The following RAD54B variants were observed in gnomAD, a reference collection of about 807,000 sequenced individuals.
RAD54B encodes DNA repair and recombination protein RAD54B.
RAD54B carries 78 observed loss-of-function variants against 95.8 expected under a neutral mutation model. The observed-to-expected ratio is 0.81, with a 90% confidence interval of 0.68 to 0.98. RAD54B has a LOEUF of 0.98. RAD54B is among the 50% of genes least tolerant of loss of function. The probability of loss-of-function intolerance (pLI) is 0.00; values close to 1 mark genes in which losing one functional copy is unlikely to be tolerated. For missense variants in RAD54B, 957 were observed against 1,056.6 expected (o/e 0.91, Z 1.31); for synonymous variants, 328 against 354.9 (o/e 0.92, Z 0.85).
intron 5 of RAD54B, among the ~76,000 whole-genome samples, chr8:94,406,080 A>G (rs1180707286): frequency 6.6e-6 from 1 of 151,990 alleles, no homozygotes; most frequent in African/African-American, 2.4e-5. Flanking sequence ...TCACATACAC[A>G]CAACACATAA....
intron 3 of RAD54B, chr8:94,436,663 C>T (rs1206489261): frequency 7.7e-6 from 12 of 1,550,382 alleles, no homozygotes; most frequent in Admixed American, 2.0e-5. Context: ...ATAAAGGGTG[C>T]GTAGGCCCTG....
rs1813042580 is a variant in RAD54B at position 94,467,071 on chromosome 8, G to A, written c.135+334C>T. Among the ~76,000 whole-genome samples, 5 of 151,994 alleles carry A rather than the reference G, an allele frequency of 3.3e-5. No individual in the cohort carries two copies. In the South Asian group the frequency reaches 1.0e-3, roughly 32 times the overall value. ...AGCCTCCCGAGTAGCTGATACTCCAGGTGCACACCACCACACCCCACTAAA... is the reference window on the plus strand; with the variant it reads ...AGCCTCCCGAGTAGCTGATACTCCAAGTGCACACCACCACACCCCACTAAA... On this transcript the variant is annotated intron_variant, in intron 2 of 14. Coordinates refer to ENST00000336148, the MANE Select transcript of RAD54B (RefSeq NM_012415.3).
intron 8 of RAD54B, among the ~76,000 whole-genome samples, chr8:94,394,729 CACAA>C (rs1305329081): frequency 3.3e-5 from 5 of 152,048 alleles, no homozygotes; most frequent in Admixed American, 6.5e-5. Context: ...TATAAATCAG[CACAA>C]ACAATGTAAT....
At chr8:94,384,259 A>G (rs1370173855) in intron 11 of RAD54B, among the ~76,000 whole-genome samples, 2 of 152,234 alleles carry the variant, frequency 1.3e-5, no homozygotes, top group Admixed American at 6.5e-5. Flanking sequence ...GTGTTCAGCA[A>G]TAGATGAATG....
chr8:94,391,711 C>A lies in RAD54B; in HGVS notation c.1707G>T (p.Arg569Ser). The A allele has an allele frequency of 6.2e-7, 1 of 1,614,000 alleles. No homozygotes were observed. Among genetic ancestry groups the A allele is most frequent in the Non-Finnish European group, 8.5e-7 (1 of 1,180,010 alleles). The part of the protein sequence containing the change: ...YRKLLNSQVV[R>S]FCLQGLLENS... ...TTTCCAACAACCCTTGAAGGCAGAA[C>A]CTGACAACCTGAGAATTTAACAGCT... Residue 569 changes from arginine to serine, a missense_variant, in exon 10 of 15, where the codon AGG becomes AGT. Arg to Ser is a moderately radical substitution (Grantham distance 110). Transcript: ENST00000336148.
chr8:94,436,618 A>G, intron 3 of RAD54B: 29 of 1,550,494 alleles, frequency 1.9e-5, no homozygotes, highest in Non-Finnish European at 2.5e-5. Flanking sequence ...TTTTTGCTGC[A>G]ATAGCTCCTG....
At chr8:94,442,245 G>A (rs1344882662) in intron 3 of RAD54B, among the ~76,000 whole-genome samples, 2 of 152,126 alleles carry the variant, frequency 1.3e-5, no homozygotes, top group Non-Finnish European at 2.9e-5. Context: ...GGAAGGAGAG[G>A]TGGGGATTAA....
chr8:94,424,230 A>G (rs1811889080), intron 3 of RAD54B, among the ~76,000 whole-genome samples: 1 of 152,242 alleles, frequency 6.6e-6, no homozygotes, highest in Non-Finnish European at 1.5e-5. Flanking sequence ...GCTGGGTCAG[A>G]GTCTTAAGTC....
intron 3 of RAD54B, among the ~76,000 whole-genome samples, chr8:94,457,608 T>C (rs1017678490): frequency 6.6e-6 from 1 of 152,184 alleles, no homozygotes; most frequent in Non-Finnish European, 1.5e-5. Context: ...GCCCAACAGA[T>C]GGGGCCGGCT....
intron 14 of RAD54B, among the ~76,000 whole-genome samples, chr8:94,375,075 G>C (rs1810534952): frequency 6.6e-6 from 1 of 152,092 alleles, no homozygotes; most frequent in African/African-American, 2.4e-5. Context: ...TGTATTTCTG[G>C]GAGTGTGTAA....
At chr8:94,416,476 C>G (rs1040168702) in intron 3 of RAD54B, among the ~76,000 whole-genome samples, 4 of 151,014 alleles carry the variant, frequency 2.6e-5, no homozygotes, top group Non-Finnish European at 5.9e-5. Context: ...TGTAACTAAC[C>G]TGCACATTGT....
intron 6 of RAD54B, 41 bp downstream of exon 6, chr8:94,404,036 C>A (rs769386547): frequency 6.8e-7 from 1 of 1,467,840 alleles, no homozygotes; most frequent in Non-Finnish European, 9.2e-7. Context: ...CAGGTTAAAT[C>A]AAAATTCAGA....
At chr8:94,391,292 A>T (rs142935484) in intron 10 of RAD54B, among the ~76,000 whole-genome samples, 1 of 151,938 alleles carries the variant, frequency 6.6e-6, no homozygotes, top group East Asian at 1.9e-4. Context: ...CAAAACTGAC[A>T]GACTATATTA....
chr8:94,458,277 G>A lies in RAD54B; in HGVS notation c.295C>T (p.Pro99Ser), dbSNP rs1407702193. The A allele has an allele frequency of 5.6e-6, 9 of 1,602,970 alleles. No homozygotes were observed. The highest frequency in any genetic ancestry group is 4.2e-6 in the Non-Finnish European group (5 of 1,176,512). ...EAPTLATLDP[P>S]HTVHSAPKEV... ...TAAAAAGCAGTCTTACCTGTATGAG[G>A]TGGATCTAATGTTGCCAGTGTAGGT... The change falls in exon 3 of 15, where the codon CCT (proline) becomes TCT (serine). Residue 99 changes from proline (P) to serine (S), a missense_variant. Coordinates refer to ENST00000336148, the MANE Select transcript of RAD54B (RefSeq NM_012415.3).
At chr8:94,453,997 G>A (rs1457510839) in intron 3 of RAD54B, among the ~76,000 whole-genome samples, 2 of 151,938 alleles carry the variant, frequency 1.3e-5, no homozygotes, top group African/African-American at 2.4e-5. Flanking sequence ...CACCATGTTG[G>A]CCAGGCTGGT....
intron 3 of RAD54B, among the ~76,000 whole-genome samples, chr8:94,457,331 T>C (rs538340439): frequency 7.9e-5 from 12 of 152,334 alleles, no homozygotes; most frequent in African/African-American, 2.9e-4. Context: ...GGGATCTTCC[T>C]ATACTGAATC....
chr8:94,415,097 C>T (rs1345754000), intron 3 of RAD54B, among the ~76,000 whole-genome samples: 1 of 151,734 alleles, frequency 6.6e-6, no homozygotes, highest in African/African-American at 2.4e-5. Context: ...GGAGGCATCA[C>T]ACTACCTGAC....
intron 4 of RAD54B, among the ~76,000 whole-genome samples, chr8:94,408,016 A>G (rs1167709401): frequency 6.6e-6 from 1 of 152,182 alleles, no homozygotes; most frequent in Non-Finnish European, 1.5e-5. Context: ...AGCCAAGAAA[A>G]TAGTTTGATA....
intron 3 of RAD54B, among the ~76,000 whole-genome samples, chr8:94,450,594 GA>G (rs1342088402): frequency 6.6e-6 from 1 of 152,116 alleles, no homozygotes; most frequent in Non-Finnish European, 1.5e-5. Context: ...TTTTAATAAG[GA>G]TATAAAATCT....
Sources: gnomAD v4.1 joint callset for allele counts (sites outside exome capture counted in the v4.1 genomes callset) on GRCh38, gnomAD v4.1.1 for gene constraint, MANE v1.5 for transcripts, NCBI Gene and HGNC (gene_info 2026-07-23, HGNC 2026-07-21) for gene names.